The following MYO9A variants were observed in gnomAD, a reference collection of about 807,000 sequenced individuals.
MYO9A encodes the protein myosin IXA.
A neutral mutation model predicts 293.3 loss-of-function variants in MYO9A; 103 were observed. The ratio of observed to expected loss-of-function variants is 0.35; its 90% CI spans 0.30 to 0.41. The LOEUF (loss-of-function observed/expected upper bound fraction) is 0.41. Ranked by LOEUF, MYO9A falls within the 10% of genes least tolerant of loss-of-function variation. MYO9A has a pLI of 1.00. For synonymous variants in MYO9A, 1,001 were observed against 1,035.7 expected (o/e 0.97, Z 0.64); for missense variants, 2,685 against 3,033.0 (o/e 0.89, Z 2.69).
intron 1 of MYO9A, among the ~76,000 whole-genome samples, chr15:72,092,167 G>C (rs959437543): frequency 6.6e-6 from 1 of 152,180 alleles, no homozygotes; most frequent in African/African-American, 2.4e-5. Context: ...GGTTTTCATA[G>C]TCTCATAATG....
Position 71,878,054 on chromosome 15 carries a change from A to T in MYO9A, c.5917T>A (p.Cys1973Ser). The change falls in exon 31 of 42, where the codon TGC (cysteine) becomes AGC (serine). Residue 1973 changes from cysteine to serine, a missense_variant. This residue lies in a region of MYO9A where 1,434 missense variants were observed against 1,497.7 expected (regional missense o/e 0.96). Coordinates refer to ENST00000356056, the MANE Select transcript of MYO9A (RefSeq NM_006901.4). ...ATCACATTTACCTTTGTGGCTGTGC[A>T]ATCTGAAGTCTTGAATTCATTCATA... ...EYMNEFKTSD[C>S]TATKVPKTER... is the part of the protein sequence containing the mutation. The T allele has an allele frequency of 6.2e-7, 1 of 1,600,438 alleles. No individual in the cohort carries two copies. Among genetic ancestry groups the T allele is most frequent in the Non-Finnish European group, 8.5e-7 (1 of 1,175,492 alleles).
At chr15:72,079,795 G>A (rs1218076381) in intron 1 of MYO9A, among the ~76,000 whole-genome samples, 1 of 152,182 alleles carries the variant, frequency 6.6e-6, no homozygotes, top group Non-Finnish European at 1.5e-5. Context: ...GTAGGCTTCA[G>A]AATCTGAAGA....
At chr15:72,064,858 G>T (rs2078973049) in intron 1 of MYO9A, among the ~76,000 whole-genome samples, 1 of 152,164 alleles carries the variant, frequency 6.6e-6, no homozygotes, top group Non-Finnish European at 1.5e-5. Context: ...TTAACAAGCT[G>T]ATTCTCAATG....
rs1049326461 is a variant in MYO9A, at chr15:71,824,105, C to CT, written c.*2474dup. ...GGAGGGCCCCACACTGCTCTCCACT[C>CT]TTATCATTTTGTGGCTCTCTCCTCC... On this transcript the variant is annotated 3_prime_UTR_variant, in exon 42 of 42. Coordinates refer to ENST00000356056, the MANE Select transcript of MYO9A (RefSeq NM_006901.4). 1.3e-5 allele frequency: 2 copies of CT among 152,208 alleles called. No individual in the cohort carries two copies. Among genetic ancestry groups the CT allele is most frequent in the Non-Finnish European group, 2.9e-5 (2 of 68,046 alleles). The allele number at this position is 152,208 out of a possible 1,614,324, so 9.4% of individuals were successfully genotyped here.
chr15:72,001,919 G>GA (rs989646811), intron 8 of MYO9A, among the ~76,000 whole-genome samples: 2 of 151,682 alleles, frequency 1.3e-5, no homozygotes, highest in African/African-American at 2.4e-5. Context: ...ACAAAGCTAA[G>GA]AAAAAAAATG....
chr15:71,911,972 CTTTT>C (rs966754833), intron 19 of MYO9A, among the ~76,000 whole-genome samples: 1 of 150,118 alleles, frequency 6.7e-6, no homozygotes, highest in Non-Finnish European at 1.5e-5. Context: ...TTTCTTTTTC[CTTTT>C]TTTTATTGAG....
In MYO9A at chr15:71,898,091, T is replaced by C; in HGVS notation, c.4412A>G (p.Lys1471Arg). ...ATTCAAAGAAGGAACAATCTGATCT[T>C]TTCCTGAGCAGTGATACCTTCTAGT... ...RETRRYHCSG[K>R]DQIVPSLNTE... is the part of the protein sequence containing the mutation. The change falls in exon 25 of 42, where the codon AAA becomes AGA. Residue 1471 changes from lysine (K) to arginine (R), a missense_variant. By Grantham distance (26) the Lys-to-Arg change is conservative. This residue lies in a region of MYO9A where 1,434 missense variants were observed against 1,497.7 expected (regional missense o/e 0.96). Transcript: ENST00000356056. 5.6e-6 allele frequency: 9 copies of C among 1,614,176 alleles called. No individual in the cohort carries two copies. Among genetic ancestry groups the C allele is most frequent in the South Asian group, 1.1e-5 (1 of 91,078 alleles).
intron 19 of MYO9A, among the ~76,000 whole-genome samples, chr15:71,913,766 A>C (rs1401297350): frequency 6.6e-6 from 1 of 152,152 alleles, no homozygotes; most frequent in Non-Finnish European, 1.5e-5. Context: ...TGATTCTTTT[A>C]AGACTTAATT....
intron 1 of MYO9A, among the ~76,000 whole-genome samples, chr15:72,109,080 G>A (rs2080680953): frequency 6.6e-6 from 1 of 152,022 alleles, no homozygotes; most frequent in African/African-American, 2.4e-5. Context: ...ACTTTCAAAA[G>A]GTTCTGCAAA....
At chr15:72,039,546 T>A in intron 2 of MYO9A, among the ~76,000 whole-genome samples, 1 of 151,994 alleles carries the variant, frequency 6.6e-6, no homozygotes, top group Middle Eastern at 3.2e-3. Context: ...AAAGAAGAAA[T>A]CAGGCCAGGC....
rs1204721036 is a variant in MYO9A at position 71,959,891 on chromosome 15, T to A, written c.2182+10A>T. The stretch of plus-strand genomic sequence containing the variant: ...TGAAGTATGGTAGAATACTAATAAC[T>A]ACTACTTACCAGTTTTTCTGTGAAT... On this transcript the variant is annotated intron_variant, in intron 14 of 41. Coordinates refer to ENST00000356056, the MANE Select transcript of MYO9A (RefSeq NM_006901.4). 2 of 1,542,002 alleles carry A rather than the reference T, an allele frequency of 1.3e-6. No individual in the cohort carries two copies. The highest frequency in any genetic ancestry group is 4.6e-5 in the East Asian group (2 of 43,266).
chr15:71,939,047 T>A, intron 15 of MYO9A, 120 bp from the exon 16 acceptor site: 1 of 668,710 alleles, frequency 1.5e-6, no homozygotes, highest in Non-Finnish European at 2.5e-6. Context: ...ATTTCAGAAA[T>A]ATCTAAATAA....
intron 18 of MYO9A, among the ~76,000 whole-genome samples, chr15:71,928,593 T>C (rs2145562550): frequency 6.6e-6 from 1 of 152,280 alleles, no homozygotes; most frequent in Admixed American, 6.5e-5. Flanking sequence ...CATTTTTCAT[T>C]TGTGTTGTCT....
intron 1 of MYO9A, among the ~76,000 whole-genome samples, chr15:72,069,430 A>C (rs1281397898): frequency 6.6e-6 from 1 of 152,030 alleles, no homozygotes; most frequent in Non-Finnish European, 1.5e-5. Context: ...ATTCAAAAAT[A>C]AATAAAATAA....
intron 1 of MYO9A, among the ~76,000 whole-genome samples, chr15:72,054,627 T>C (rs958709048): frequency 1.6e-5 from 2 of 127,268 alleles, no homozygotes; most frequent in Non-Finnish European, 1.5e-5. Flanking sequence ...GTAAAGTGAG[T>C]AGAGATCGTG....
chr15:71,873,772 AT>A (rs1375270028), intron 32 of MYO9A, among the ~76,000 whole-genome samples: 3 of 152,206 alleles, frequency 2.0e-5, no homozygotes, highest in African/African-American at 7.2e-5. Flanking sequence ...GAATAAATGT[AT>A]TCATATGCTT....
chr15:71,883,628 G>C lies in MYO9A; in HGVS notation c.5364C>G (p.Gly1788=), dbSNP rs979056896. 9.9e-6 allele frequency: 16 copies of C among 1,613,410 alleles called. No homozygotes were observed. The African/African-American group carries it at 1.9e-4, about 19-fold the overall frequency. ...TQSEVSPLFA[G]TDVIPAHQFP... ...ACTGATGAGCTGGAATCACATCTGTGCCTGCAAAGAGTGGCGAAACCTCTG... is the reference window on the plus strand; with the variant it reads ...ACTGATGAGCTGGAATCACATCTGTCCCTGCAAAGAGTGGCGAAACCTCTG... Residue 1788 remains glycine, a synonymous_variant, in exon 28 of 42, where the codon GGC becomes GGG. Coordinates refer to ENST00000356056, the MANE Select transcript of MYO9A (RefSeq NM_006901.4).
chr15:71,888,137 A>G (rs775580410), intron 26 of MYO9A, 21 bp from the exon 27 acceptor site: 2 of 1,373,704 alleles, frequency 1.5e-6, no homozygotes, highest in Middle Eastern at 1.8e-4. Flanking sequence ...TACATATGTG[A>G]AAGATTTAAT....
chr15:72,008,945 G>A (rs2077096121), intron 7 of MYO9A, among the ~76,000 whole-genome samples: 1 of 152,076 alleles, frequency 6.6e-6, no homozygotes, highest in Non-Finnish European at 1.5e-5. Flanking sequence ...ATTGCTTTAG[G>A]AACCTGAGAT....
Sources: gnomAD v4.1 joint callset for allele counts (sites outside exome capture counted in the v4.1 genomes callset) on GRCh38, gnomAD v4.1.1 for gene constraint, gnomAD v4.1.1 regional missense constraint, MANE v1.5 for transcripts, NCBI Gene and HGNC (gene_info 2026-07-23, HGNC 2026-07-21) for gene names.